Variants in LMBR1 observed in about 807,000 individuals in gnomAD.
LMBR1 encodes limb region 1 protein homolog.
Under a neutral mutation model 73.9 loss-of-function variants are expected in LMBR1, and 52 were observed. The observed-to-expected ratio is 0.70, with a 90% CI of 0.56 to 0.89. The LOEUF (loss-of-function observed/expected upper bound fraction) is 0.89. LMBR1 is among the 40% of genes least tolerant of loss of function. LMBR1 has a pLI of 0.00. For missense variants in LMBR1, 539 were observed against 579.8 expected (o/e 0.93, Z 0.72); for synonymous variants, 215 against 209.4 (o/e 1.03, Z -0.23).
At chr7:156,888,067 A>G (rs1802218893) in intron 1 of LMBR1, among the ~76,000 whole-genome samples, 1 of 152,254 alleles carries the variant, frequency 6.6e-6, no homozygotes. Flanking sequence ...TAGTGGGAAT[A>G]TAAAATGGTA....
chr7:156,816,793 A>G (rs1833982711), intron 4 of LMBR1, among the ~76,000 whole-genome samples: 1 of 152,160 alleles, frequency 6.6e-6, no homozygotes, highest in African/African-American at 2.4e-5. Context: ...AATTTCTAAC[A>G]TTTTATAAAT....
At chr7:156,823,001 C>G (rs923683836) in intron 4 of LMBR1, 2 of 152,016 alleles carry the variant, frequency 1.3e-5, no homozygotes, top group African/African-American at 4.8e-5. Flanking sequence ...AGTCCCCGCT[C>G]CTCAGGAAGC....
intron 5 of LMBR1, among the ~76,000 whole-genome samples, chr7:156,777,906 T>C (rs190272872): frequency 6.6e-6 from 1 of 152,236 alleles, no homozygotes; most frequent in Admixed American, 6.5e-5. Context: ...CTGAACCCCA[T>C]ACCCTACCCC....
intron 5 of LMBR1, among the ~76,000 whole-genome samples, chr7:156,793,103 T>C (rs1219332143): frequency 6.6e-5 from 10 of 152,192 alleles, no homozygotes; most frequent in Non-Finnish European, 1.5e-5. Flanking sequence ...TATGTACTTA[T>C]TCGCCAAATA....
intron 1 of LMBR1, among the ~76,000 whole-genome samples, chr7:156,856,127 G>A (rs546759535): frequency 7.0e-4 from 107 of 152,012 alleles, no homozygotes; most frequent in Non-Finnish European, 1.3e-3. Context: ...CCTGGGAGGC[G>A]GAGCTTGCAG....
At chr7:156,841,788 C>T (rs1322895061) in intron 1 of LMBR1, among the ~76,000 whole-genome samples, 1 of 151,888 alleles carries the variant, frequency 6.6e-6, no homozygotes, top group African/African-American at 2.4e-5. Flanking sequence ...TAGTTGGAAA[C>T]AGAAATGCAA....
chr7:156,851,940 T>C (rs1796295459), intron 1 of LMBR1, among the ~76,000 whole-genome samples: 1 of 152,186 alleles, frequency 6.6e-6, no homozygotes, highest in African/African-American at 2.4e-5. Context: ...TATGATGGCC[T>C]ATGTATGCAC....
chr7:156,831,378 C>A (rs1288292950), intron 3 of LMBR1, among the ~76,000 whole-genome samples: 2 of 143,800 alleles, frequency 1.4e-5, no homozygotes, highest in Non-Finnish European at 3.0e-5. Flanking sequence ...ATATTTGTTT[C>A]TCCATCTCTT....
At chr7:156,725,731 G>A (rs767707226) in intron 13 of LMBR1, 33 bp downstream of exon 13, 7 of 1,590,212 alleles carry the variant, frequency 4.4e-6, no homozygotes, top group Non-Finnish European at 6.0e-6. Flanking sequence ...AAAATTTGTG[G>A]ATAGGCTGAA....
At chr7:156,874,371 C>T (rs1364894863) in intron 1 of LMBR1, among the ~76,000 whole-genome samples, 13 of 152,218 alleles carry the variant, frequency 8.5e-5, no homozygotes, top group Admixed American at 8.5e-4. Context: ...CCCCGGCTCC[C>T]GCTCGTGCCT....
chr7:156,747,815 T>C (rs1372599337), intron 9 of LMBR1: 3 of 152,362 alleles, frequency 2.0e-5, no homozygotes, highest in East Asian at 1.9e-4. Context: ...ACTCAAATAC[T>C]ATAAATTATT....
downstream of LMBR1, chr7:156,677,013 C>G (rs1267532832): frequency 4.8e-6 from 1 of 207,898 alleles, no homozygotes; most frequent in East Asian, 1.1e-4. Context: ...AAATGTTTTC[C>G]GCTAATAGTC....
At chr7:156,762,060 C>T in intron 8 of LMBR1, 74 bp downstream of exon 8, 1 of 817,158 alleles carries the variant, frequency 1.2e-6, no homozygotes. Flanking sequence ...TAAATGCTAG[C>T]TCACAATATC....
chr7:156,772,142 C>A (rs1056379216), intron 5 of LMBR1, among the ~76,000 whole-genome samples: 2 of 151,966 alleles, frequency 1.3e-5, no homozygotes, highest in Non-Finnish European at 2.9e-5. Flanking sequence ...GGCATGGTAG[C>A]GCAAGCCTGT....
chr7:156,705,332 T>C (rs1013676837), intron 15 of LMBR1, among the ~76,000 whole-genome samples: 2 of 152,080 alleles, frequency 1.3e-5, no homozygotes, highest in Non-Finnish European at 2.9e-5. Flanking sequence ...TCAAGGTGGG[T>C]GGATGGGTTG....
intron 15 of LMBR1, among the ~76,000 whole-genome samples, chr7:156,719,223 C>A (rs1308062703): frequency 1.4e-5 from 2 of 147,522 alleles, no homozygotes; most frequent in Non-Finnish European, 3.0e-5. Context: ...TGAGTGAGAA[C>A]ATGTGGTGTT....
intron 15 of LMBR1, among the ~76,000 whole-genome samples, chr7:156,714,332 A>C (rs1296788032): frequency 6.6e-6 from 1 of 152,240 alleles, no homozygotes; most frequent in African/African-American, 2.4e-5. Flanking sequence ...TGTGGAGTTC[A>C]TGGCTGAGCT....
chr7:156,745,154 T>C (rs1030011859), intron 9 of LMBR1, among the ~76,000 whole-genome samples: 7 of 152,232 alleles, frequency 4.6e-5, no homozygotes, highest in Non-Finnish European at 7.3e-5. Context: ...ACAAAGACTA[T>C]TTCTTTTTTT....
intron 15 of LMBR1, among the ~76,000 whole-genome samples, chr7:156,704,747 G>A (rs1360922995): frequency 6.8e-6 from 1 of 146,032 alleles, no homozygotes; most frequent in Non-Finnish European, 1.5e-5. Context: ...TAAGGAAATA[G>A]TTGTCTTTAA....
Sources: allele counts gnomAD v4.1 joint callset (sites outside exome capture counted in the v4.1 genomes callset), GRCh38; gene constraint gnomAD v4.1.1; transcripts MANE v1.5; gene names NCBI Gene and HGNC (gene_info 2026-07-23, HGNC 2026-07-21).